The following EPB41L4A variants were observed in gnomAD, a reference collection of about 807,000 sequenced individuals.
EPB41L4A encodes the protein erythrocyte membrane protein band 4.1 like 4A, also known as band 4.1-like protein 4A.
In EPB41L4A, 100 loss-of-function variants were observed where a neutral mutation model predicts 108.6. The ratio of observed to expected loss-of-function variants is 0.92; its 90% CI spans 0.78 to 1.09. The LOEUF is 1.09. Among genes scored for constraint, EPB41L4A ranks in the 50% least tolerant of loss-of-function variants. EPB41L4A has a pLI of 0.00. For missense variants in EPB41L4A, 1,030 were observed against 842.7 expected, an observed-to-expected ratio of 1.22 and a Z score of -2.75; for synonymous variants, 319 against 289.0, an observed-to-expected ratio of 1.10 and a Z score of -1.05.
rs78247040 is a variant in EPB41L4A at position 112,165,692 on chromosome 5, C to T, written c.1933-574G>A. Among the ~76,000 whole-genome samples the T allele has an allele frequency of 5.1e-3, 781 of 152,220 alleles. 10 individuals carry two copies. The highest frequency in any genetic ancestry group is 0.017 in the African/African-American group (715 of 41,520). ...ACAACTACTACTTCTTATGCGAACC[C>T]CTCCTCCTCTTACTTCCAAGGATGG... On this transcript the variant is annotated intron_variant, in intron 22 of 22. Transcript: ENST00000261486.
At chr5:112,151,820 T>G (rs1473353482) in intron 12 of EPB41L4A, among the ~76,000 whole-genome samples, 1 of 152,032 alleles carries the variant, frequency 6.6e-6, no homozygotes, top group Non-Finnish European at 1.5e-5. Flanking sequence ...AACCTCCGCC[T>G]CCCGGATTCA....
At chr5:112,401,620 A>C (rs745902001) in intron 1 of EPB41L4A, among the ~76,000 whole-genome samples, 1 of 152,238 alleles carries the variant, frequency 6.6e-6, no homozygotes, top group Non-Finnish European at 1.5e-5. Flanking sequence ...ATTATAAAAA[A>C]TTATAGCTAT....
intron 12 of EPB41L4A, among the ~76,000 whole-genome samples, chr5:112,226,981 G>GAAAAA (rs35333803): frequency 1.4e-5 from 2 of 139,454 alleles, no homozygotes; most frequent in Non-Finnish European, 1.5e-5. Context: ...TTACCACAAT[G>GAAAAA]AAAAAAAAAA....
chr5:112,401,009 A>C (rs974172976), intron 1 of EPB41L4A, among the ~76,000 whole-genome samples: 9 of 152,212 alleles, frequency 5.9e-5, no homozygotes, highest in African/African-American at 2.2e-4. Context: ...CCAAAAAATG[A>C]GTCATTAAAA....
At chr5:112,268,155 G>A (rs1751996856) in intron 4 of EPB41L4A, among the ~76,000 whole-genome samples, 1 of 152,374 alleles carries the variant, frequency 6.6e-6, no homozygotes, top group African/African-American at 2.4e-5. Flanking sequence ...GCTGAGGCAG[G>A]TGGATCACCT....
intron 2 of EPB41L4A, among the ~76,000 whole-genome samples, chr5:112,297,037 G>A (rs1014073393): frequency 1.3e-5 from 2 of 150,966 alleles, no homozygotes; most frequent in African/African-American, 2.4e-5. Flanking sequence ...TTATCCACTC[G>A]TTGACTGATG....
chr5:112,174,311 G>A (rs1339507187), intron 18 of EPB41L4A, among the ~76,000 whole-genome samples: 1 of 152,194 alleles, frequency 6.6e-6, no homozygotes, highest in Non-Finnish European at 1.5e-5. Context: ...GATTTAGAAA[G>A]CTGTGGAATT....
At chr5:112,235,745 C>T (rs1413095548) in intron 11 of EPB41L4A, among the ~76,000 whole-genome samples, 1 of 152,112 alleles carries the variant, frequency 6.6e-6, no homozygotes. Flanking sequence ...GCCTACAAAA[C>T]TTATAAAAAT....
Position 112,267,623 on chromosome 5 carries a change from A to G in EPB41L4A, c.336-1293T>C, listed in dbSNP as rs116426874. Among the ~76,000 whole-genome samples the G allele has an allele frequency of 3.5e-3, 530 of 152,172 alleles. 3 individuals carry two copies. Among genetic ancestry groups the G allele is most frequent in the African/African-American group, 0.012 (513 of 41,484 alleles). On this transcript the variant is annotated intron_variant, in intron 4 of 22. Coordinates refer to ENST00000261486, the MANE Select transcript of EPB41L4A (RefSeq NM_022140.5). Reference sequence around the variant, plus strand: ...ACCAAATATGCTGTTTCTGAAATCTATACTTCTCTCCATCCCCTACACCAG... The same window carrying G: ...ACCAAATATGCTGTTTCTGAAATCTGTACTTCTCTCCATCCCCTACACCAG...
intron 1 of EPB41L4A, among the ~76,000 whole-genome samples, chr5:112,376,678 TG>T (rs1356644808): frequency 6.6e-6 from 1 of 152,136 alleles, no homozygotes; most frequent in Non-Finnish European, 1.5e-5. Context: ...ATCCATACCA[TG>T]GAACATTACT....
chr5:112,251,345 T>C (rs575552670), intron 9 of EPB41L4A, among the ~76,000 whole-genome samples: 5 of 152,114 alleles, frequency 3.3e-5, no homozygotes, highest in African/African-American at 1.2e-4. Flanking sequence ...TGAAGAAAAA[T>C]GTGTGACTGT....
intron 2 of EPB41L4A, among the ~76,000 whole-genome samples, chr5:112,297,576 G>C (rs1268827725): frequency 6.6e-6 from 1 of 152,146 alleles, no homozygotes; most frequent in African/African-American, 2.4e-5. Flanking sequence ...CTCCCACTCT[G>C]TGGGCTGTCT....
At chr5:112,199,762 C>G (rs1178422210) in intron 15 of EPB41L4A, among the ~76,000 whole-genome samples, 1 of 152,166 alleles carries the variant, frequency 6.6e-6, no homozygotes, top group South Asian at 2.1e-4. Flanking sequence ...TCATTCTGGA[C>G]AGCTCCCTCT....
intron 1 of EPB41L4A, among the ~76,000 whole-genome samples, chr5:112,346,673 T>C (rs1416645248): frequency 6.6e-6 from 1 of 152,184 alleles, no homozygotes; most frequent in Admixed American, 6.5e-5. Flanking sequence ...AACAGAAACA[T>C]GGCAACCATA....
At chr5:112,340,589 C>T (rs966179505) in intron 1 of EPB41L4A, among the ~76,000 whole-genome samples, 1 of 152,066 alleles carries the variant, frequency 6.6e-6, no homozygotes, top group Non-Finnish European at 1.5e-5. Flanking sequence ...GACTAAATAG[C>T]AATAAAAACA....
chr5:112,332,270 T>G (rs116820387), intron 1 of EPB41L4A, among the ~76,000 whole-genome samples: 16 of 152,222 alleles, frequency 1.1e-4, no homozygotes, highest in African/African-American at 3.9e-4. Flanking sequence ...TGTCCACTTT[T>G]TCTCCTGTTT....
At chr5:112,407,593 T>C (rs1351867125) in intron 1 of EPB41L4A, among the ~76,000 whole-genome samples, 1 of 152,204 alleles carries the variant, frequency 6.6e-6, no homozygotes, top group East Asian at 1.9e-4. Flanking sequence ...GACATTAACA[T>C]CTTCACCTGT....
At chr5:112,216,347 A>G (rs1448072132) in intron 12 of EPB41L4A, among the ~76,000 whole-genome samples, 1 of 152,218 alleles carries the variant, frequency 6.6e-6, no homozygotes, top group African/African-American at 2.4e-5. Flanking sequence ...ACATAAATCA[A>G]ATCTTTGATG....
intron 1 of EPB41L4A, among the ~76,000 whole-genome samples, chr5:112,406,615 G>A (rs1426282095): frequency 6.6e-6 from 1 of 152,056 alleles, no homozygotes; most frequent in African/African-American, 2.4e-5. Flanking sequence ...GCCTGAGATG[G>A]CTTAATTTAA....
Sources: gnomAD v4.1 joint callset for allele counts (sites outside exome capture counted in the v4.1 genomes callset) on GRCh38, gnomAD v4.1.1 for gene constraint, MANE v1.5 for transcripts, NCBI Gene and HGNC (gene_info 2026-07-23, HGNC 2026-07-21) for gene names.